Variants in PIK3CD observed in about 807,000 individuals in gnomAD.
The protein encoded by PIK3CD is phosphatidylinositol 4,5-bisphosphate 3-kinase catalytic subunit delta isoform.
In PIK3CD, 20 loss-of-function variants were observed where a neutral mutation model predicts 122.9. That is an observed-to-expected ratio of 0.16 (90% CI 0.11 to 0.24). The LOEUF (loss-of-function observed/expected upper bound fraction) is 0.24, where lower values mean the gene tolerates loss of function less well. PIK3CD is among the 10% of genes least tolerant of loss of function. The probability of loss-of-function intolerance (pLI) is 1.00; values close to 1 mark genes in which losing one functional copy is unlikely to be tolerated. For synonymous variants in PIK3CD, 596 were observed against 593.4 expected, an observed-to-expected ratio of 1.00 and a Z score of -0.06; for missense variants, 787 against 1,406.3, an observed-to-expected ratio of 0.56 and a Z score of 7.04.
At chr1:9,654,927 C>T (rs1367710337) in intron 1 of PIK3CD, among the ~76,000 whole-genome samples, 1 of 151,774 alleles carries the variant, frequency 6.6e-6, no homozygotes, top group Non-Finnish European at 1.5e-5. Flanking sequence ...ATTAGCTGGG[C>T]GTGGTGATGA....
chr1:9,678,702 T>C (rs191116326), intron 1 of PIK3CD, among the ~76,000 whole-genome samples: 78 of 152,294 alleles, frequency 5.1e-4, no homozygotes, highest in African/African-American at 1.8e-3. Flanking sequence ...GGCAAATCAT[T>C]CTGACCCTGT....
At chr1:9,716,406 G>T (rs761911316) in intron 5 of PIK3CD, 34 bp from the exon 6 acceptor site, 9 of 1,607,528 alleles carry the variant, frequency 5.6e-6, no homozygotes, top group Non-Finnish European at 7.6e-6. Flanking sequence ...GGGGGGCCTC[G>T]AGGGCAGAGG....
At chr1:9,697,650 T>C (rs1026825530) in intron 2 of PIK3CD, among the ~76,000 whole-genome samples, 2 of 151,830 alleles carry the variant, frequency 1.3e-5, no homozygotes, top group East Asian at 3.9e-4. Context: ...AGAGGATCAC[T>C]TGAGCTCAGG....
At chr1:9,639,133 T>G in the PIK3CD span, among the ~76,000 whole-genome samples, 1 of 152,102 alleles carries the variant, frequency 6.6e-6, no homozygotes, top group East Asian at 1.9e-4. Flanking sequence ...GGGAAATGGT[T>G]TCTTCTAATC....
chr1:9,679,346 G>T (rs1021468793), intron 1 of PIK3CD, among the ~76,000 whole-genome samples: 1 of 152,074 alleles, frequency 6.6e-6, no homozygotes, highest in African/African-American at 2.4e-5. Flanking sequence ...GGGATTACAG[G>T]CGTGAGCCAC....
intron 13 of PIK3CD, 29 bp from the exon 14 acceptor site, chr1:9,721,097 GC>G: frequency 6.3e-7 from 1 of 1,584,804 alleles, no homozygotes; most frequent in Non-Finnish European, 8.6e-7. Context: ...GACCCCGGCC[GC>G]CCCCAAGCCT....
rs754606582 is a variant in PIK3CD at position 9,721,781 on chromosome 1, C to G, written c.1976C>G (p.Ser659Trp). Reference sequence around the variant, plus strand: ...TCCAGCTCCGAGATGCACGTGCCGTCGGTGGCCCTGCGCTTCGGCCTCATC... The same window carrying G: ...TCCAGCTCCGAGATGCACGTGCCGTGGGTGGCCCTGCGCTTCGGCCTCATC... ...WHLRSEMHVPSVALRFGLILE... is the reference protein window; with the variant it reads ...WHLRSEMHVPWVALRFGLILE... Residue 659 changes from serine (S) to tryptophan (W), a missense_variant, in exon 16 of 24, where the codon TCG (serine) becomes TGG (tryptophan). Transcript: ENST00000377346. 6.2e-7 allele frequency: 1 copy of G among 1,613,202 alleles called. No individual in the cohort carries two copies. Among genetic ancestry groups the G allele is most frequent in the Non-Finnish European group, 8.5e-7 (1 of 1,179,926 alleles).
chr1:9,687,269 C>T (rs1645998903), intron 1 of PIK3CD: 1 of 152,202 alleles, frequency 6.6e-6, no homozygotes, highest in Admixed American at 6.6e-5. Flanking sequence ...GTGGAGGAAC[C>T]GCTGAAGCTC....
chr1:9,667,361 T>C (rs1645190354), intron 1 of PIK3CD, among the ~76,000 whole-genome samples: 1 of 152,004 alleles, frequency 6.6e-6, no homozygotes, highest in South Asian at 2.1e-4. Context: ...CTTGCCAGCA[T>C]TGAATAATAT....
At chr1:9,677,041 C>T (rs760357501) in intron 1 of PIK3CD, among the ~76,000 whole-genome samples, 1 of 152,140 alleles carries the variant, frequency 6.6e-6, no homozygotes, top group Non-Finnish European at 1.5e-5. Flanking sequence ...AGGATTTCTT[C>T]CTCTTTGGTT....
At chr1:9,639,588 C>G in the PIK3CD span, among the ~76,000 whole-genome samples, 8 of 152,212 alleles carry the variant, frequency 5.3e-5, no homozygotes, top group East Asian at 1.9e-4. Flanking sequence ...CTGAGCCCCC[C>G]ACCCCGGCCC....
chr1:9,707,961 T>A (rs1646905566), intron 2 of PIK3CD, among the ~76,000 whole-genome samples: 1 of 151,020 alleles, frequency 6.6e-6, no homozygotes. Flanking sequence ...GCCCAGCTAA[T>A]TTTTTTGTAT....
chr1:9,720,927 CCTGGGGGCGGAG>C lies in PIK3CD; in HGVS notation c.1689+27_1689+38del, dbSNP rs745579261. 6.4e-7 allele frequency: 1 copy of C among 1,567,950 alleles called. No homozygotes were observed. The stretch of plus-strand genomic sequence containing the variant: ...TGGCCCAGGTGGGTGGGGAGGCGCA[CCTGGGGGCGGAG>C]CTGGGGGCAGACCACAGCCTCTGGC... On this transcript the variant is annotated intron_variant, in intron 13 of 23. Coordinates refer to ENST00000377346, the MANE Select transcript of PIK3CD (RefSeq NM_005026.5). The surrounding 1 kb of genome is among the most constrained non-coding windows in gnomAD (Gnocchi z 9.0).
chr1:9,709,820 A>G (rs1344894506), intron 2 of PIK3CD, among the ~76,000 whole-genome samples: 1 of 152,150 alleles, frequency 6.6e-6, no homozygotes, highest in African/African-American at 2.4e-5. Flanking sequence ...CAGTCTGGCC[A>G]ACATGGTGAA....
chr1:9,713,737 T>C (rs1647147508), intron 3 of PIK3CD, among the ~76,000 whole-genome samples: 1 of 150,962 alleles, frequency 6.6e-6, no homozygotes, highest in Non-Finnish European at 1.5e-5. Context: ...ACTACAGGCA[T>C]GCACCACCAT....
At chr1:9,654,228 C>G in intron 1 of PIK3CD, 4 of 1,367,686 alleles carry the variant, frequency 2.9e-6, no homozygotes, top group Non-Finnish European at 3.9e-6. Flanking sequence ...GGCACGTGCC[C>G]CAGAGGTACT....
In PIK3CD at chr1:9,723,373, G is replaced by A; in HGVS notation, c.2594+81G>A. On this transcript the variant is annotated intron_variant, in intron 20 of 23. Coordinates refer to ENST00000377346, the MANE Select transcript of PIK3CD (RefSeq NM_005026.5). This position sits in a 1 kb window ranked among gnomAD's most constrained non-coding sequence, Gnocchi z 4.9. ...GAGGGCCTCGCCTGTCAGAACAAAGGAGCGGGGAGGGGCCTCAGACCATCT... is the reference window on the plus strand; with the variant it reads ...GAGGGCCTCGCCTGTCAGAACAAAGAAGCGGGGAGGGGCCTCAGACCATCT... The A allele has an allele frequency of 1.4e-6, 2 of 1,438,180 alleles. No individual in the cohort carries two copies. Among genetic ancestry groups the A allele is most frequent in the East Asian group, 4.5e-5 (2 of 44,034 alleles). 89.1% of individuals were successfully genotyped at this position (1,438,180 alleles called of 1,614,324 possible).
chr1:9,685,672 A>C (rs184294721), intron 1 of PIK3CD, among the ~76,000 whole-genome samples: 3 of 152,066 alleles, frequency 2.0e-5, no homozygotes, highest in East Asian at 1.9e-4. Context: ...ATAATTAAAA[A>C]TTTTTTAAAG....
chr1:9,705,074 C>T (rs945794531), intron 2 of PIK3CD, among the ~76,000 whole-genome samples: 1 of 152,050 alleles, frequency 6.6e-6, no homozygotes, highest in Admixed American at 6.6e-5. Flanking sequence ...CTTTAAAATC[C>T]AAGAGAATGT....
Sources: gnomAD v4.1 joint callset for allele counts (sites outside exome capture counted in the v4.1 genomes callset) on GRCh38, gnomAD v4.1.1 for gene constraint, Gnocchi (gnomAD v3.1) non-coding constraint, MANE v1.5 for transcripts, NCBI Gene and HGNC (gene_info 2026-07-23, HGNC 2026-07-21) for gene names.